The following UBXN7 variants were observed in gnomAD, a reference collection of about 807,000 sequenced individuals.
UBXN7 encodes UBX domain-containing protein 7.
UBXN7 carries 9 observed loss-of-function variants against 58.0 expected under a neutral mutation model. That is an observed-to-expected ratio of 0.16 (90% CI 0.09 to 0.27). The LOEUF (loss-of-function observed/expected upper bound fraction) is 0.27. Among genes scored for constraint, UBXN7 ranks in the 10% least tolerant of loss-of-function variants. UBXN7 has a pLI of 1.00. For synonymous variants in UBXN7, 208 were observed against 205.0 expected, an observed-to-expected ratio of 1.01 and a Z score of -0.12; for missense variants, 328 against 599.6, an observed-to-expected ratio of 0.55 and a Z score of 4.73.
At chr3:196,370,743 C>T (rs576028852) in intron 6 of UBXN7, among the ~76,000 whole-genome samples, 11 of 150,934 alleles carry the variant, frequency 7.3e-5, no homozygotes, top group East Asian at 5.8e-4. Flanking sequence ...AAAATTGAGC[C>T]GGCACGGTGA....
Position 196,378,497 on chromosome 3 carries a change from G to A in UBXN7, c.469-6455C>T, listed in dbSNP as rs149707709. ...ATAAAGTATGGCTATTCCATAGGCA[G>A]AGCAGCCCAAGGGCTGCTGGTTGCC... On this transcript the variant is annotated intron_variant, in intron 5 of 10. Coordinates refer to ENST00000296328, the MANE Select transcript of UBXN7 (RefSeq NM_015562.2). 3.6e-3 allele frequency among the ~76,000 whole-genome samples: 554 copies of A among 152,328 alleles called. 20 individuals are homozygous for A. The South Asian group carries it at 0.074, about 20-fold the overall frequency.
intron 3 of UBXN7, among the ~76,000 whole-genome samples, chr3:196,402,254 C>T (rs186326222): frequency 6.2e-4 from 94 of 152,286 alleles, no homozygotes; most frequent in African/African-American, 2.1e-3. Context: ...CTCCCGGCCT[C>T]GAGTGATCTG....
At chr3:196,431,540 AAAG>A in intron 1 of UBXN7, 1 of 159,650 alleles carries the variant, frequency 6.3e-6, no homozygotes, top group Admixed American at 6.5e-5. Flanking sequence ...ATTTTCTCTC[AAAG>A]AAGTTTCTGC....
At chr3:196,370,911 C>T (rs559755454) in intron 6 of UBXN7, among the ~76,000 whole-genome samples, 29 of 151,414 alleles carry the variant, frequency 1.9e-4, no homozygotes, top group Admixed American at 5.3e-4. Context: ...TGTTTGTGGT[C>T]CCAACTACTC....
chr3:196,393,696 G>A (rs1729654231), intron 3 of UBXN7, 77 bp from the exon 4 acceptor site: 2 of 1,424,854 alleles, frequency 1.4e-6, no homozygotes, highest in South Asian at 1.2e-5. Flanking sequence ...TTATCTAAAA[G>A]TATTTTTTTA....
intron 8 of UBXN7, 52 bp from the exon 9 acceptor site, chr3:196,362,739 A>G: frequency 6.5e-7 from 1 of 1,541,042 alleles, no homozygotes; most frequent in Non-Finnish European, 8.7e-7. Flanking sequence ...AAACCAAAAA[A>G]CAAGTCAAAC....
At chr3:196,358,685 G>T (rs966916210) in intron 10 of UBXN7, among the ~76,000 whole-genome samples, 1 of 152,156 alleles carries the variant, frequency 6.6e-6, no homozygotes, top group African/African-American at 2.4e-5. Flanking sequence ...AGGTTGCAGT[G>T]AGCTGAGATT....
chr3:196,432,272 A>G, intron 1 of UBXN7, 55 bp downstream of exon 1: 3 of 1,602,738 alleles, frequency 1.9e-6, no homozygotes, highest in Non-Finnish European at 2.6e-6. Flanking sequence ...CCCGGGGCAG[A>G]CCCGCTGCCC....
chr3:196,411,742 G>A (rs772633510), intron 1 of UBXN7, among the ~76,000 whole-genome samples: 13 of 152,134 alleles, frequency 8.5e-5, no homozygotes, highest in African/African-American at 2.9e-4. Flanking sequence ...CCTGGGAGGC[G>A]GAGGTTGCAG....
At chr3:196,415,239 C>T (rs1730445383) in intron 1 of UBXN7, among the ~76,000 whole-genome samples, 1 of 151,074 alleles carries the variant, frequency 6.6e-6, no homozygotes, top group African/African-American at 2.4e-5. Context: ...CTGCAACCTC[C>T]ACCTCCTGGG....
In UBXN7 at chr3:196,424,383, ATTT is replaced by A. The variant is rs869183431; in HGVS notation, c.73+7941_73+7943del. 8.9e-3 allele frequency among the ~76,000 whole-genome samples: 934 copies of A among 104,864 alleles called. 13 individuals are homozygous for A. Among genetic ancestry groups the A allele is most frequent in the African/African-American group, 0.032 (896 of 28,050 alleles). 68.8% of individuals were successfully genotyped at this position (104,864 alleles called of 152,430 possible). A position where few individuals can be genotyped will look rare whatever the true frequency, so the allele number is the denominator to read the frequency against. On this transcript the variant is annotated intron_variant, in intron 1 of 10. Coordinates refer to ENST00000296328, the MANE Select transcript of UBXN7 (RefSeq NM_015562.2). ...AGATGCCATCCTTTCTCTTTTCCTA[ATTT>A]TTTTTTTTTTTTTTTTTTTTTTTTA...
In UBXN7 at chr3:196,370,572, AT is replaced by A. The variant is rs566978690; in HGVS notation, c.616-1062del. 1.4e-3 allele frequency among the ~76,000 whole-genome samples: 214 copies of A among 152,152 alleles called. 1 individual carries two copies. Among genetic ancestry groups the A allele is most frequent in the East Asian group, 5.6e-3 (29 of 5,190 alleles). The stretch of plus-strand genomic sequence containing the variant: ...GCTCGATCAATATTTGTTGAATAAA[AT>A]ACAAGGAATTTTACCATTAAAGTTA... On this transcript the variant is annotated intron_variant, in intron 6 of 10. Coordinates refer to ENST00000296328, the MANE Select transcript of UBXN7 (RefSeq NM_015562.2).
At chr3:196,417,788 G>A (rs1181506682) in intron 1 of UBXN7, among the ~76,000 whole-genome samples, 1 of 148,018 alleles carries the variant, frequency 6.8e-6, no homozygotes, top group African/African-American at 2.5e-5. Flanking sequence ...AGCCAGGCGT[G>A]GTGGCACATG....
At chr3:196,395,630 T>G (rs1008802211) in intron 3 of UBXN7, among the ~76,000 whole-genome samples, 1 of 151,962 alleles carries the variant, frequency 6.6e-6, no homozygotes, top group Non-Finnish European at 1.5e-5. Flanking sequence ...TTTGTTTGTT[T>G]GTTTTTTTAA....
intron 5 of UBXN7, among the ~76,000 whole-genome samples, chr3:196,383,969 T>C (rs1026801261): frequency 3.3e-5 from 5 of 151,894 alleles, no homozygotes; most frequent in African/African-American, 4.8e-5. Flanking sequence ...CTGAAGGAGA[T>C]AGAGACATAA....
Position 196,376,698 on chromosome 3 carries a change from G to C in UBXN7, c.469-4656C>G, listed in dbSNP as rs139372831. ...AAAATATTCTTAGTAATTAGAGCTA[G>C]GTGCATGTGTAATGGGATACCAATT... On this transcript the variant is annotated intron_variant, in intron 5 of 10. Transcript: ENST00000296328. Among the ~76,000 whole-genome samples the C allele has an allele frequency of 3.6e-3, 551 of 151,942 alleles. 20 individuals are homozygous for C. In the South Asian group the frequency reaches 0.074, roughly 20 times the overall value.
intron 1 of UBXN7, among the ~76,000 whole-genome samples, chr3:196,414,383 T>C (rs902941461): frequency 1.5e-4 from 23 of 152,198 alleles, no homozygotes; most frequent in African/African-American, 5.1e-4. Flanking sequence ...AGCAAAATAA[T>C]GTAAGTTCAA....
At chr3:196,432,194 T>C in intron 1 of UBXN7, 133 bp downstream of exon 1, 1 of 1,306,186 alleles carries the variant, frequency 7.7e-7, no homozygotes, top group Non-Finnish European at 1.1e-6. Flanking sequence ...TCGTCGCCTC[T>C]TCCTCAGGAG....
chr3:196,399,233 C>A (rs1303791442), intron 3 of UBXN7, among the ~76,000 whole-genome samples: 1 of 152,210 alleles, frequency 6.6e-6, no homozygotes, highest in African/African-American at 2.4e-5. Flanking sequence ...ACTCAAGGAT[C>A]AGGATTTAAT....
Sources: allele counts gnomAD v4.1 joint callset (sites outside exome capture counted in the v4.1 genomes callset), GRCh38; gene constraint gnomAD v4.1.1; transcripts MANE v1.5; gene names NCBI Gene and HGNC (gene_info 2026-07-23, HGNC 2026-07-21).